SV2C: variants seen among roughly 807,000 people sequenced by gnomAD.
SV2C encodes solute carrier family 22 member B3.
Under a neutral mutation model 79.7 loss-of-function variants are expected in SV2C, and 49 were observed. That is an observed-to-expected ratio of 0.61 (90% CI 0.49 to 0.78). The LOEUF is 0.78. Ranked by LOEUF, SV2C falls within the 30% of genes least tolerant of loss-of-function variation. The probability of loss-of-function intolerance (pLI) is 0.00; values close to 1 mark genes in which losing one functional copy is unlikely to be tolerated. For missense variants in SV2C, 833 were observed against 912.9 expected (o/e 0.91, Z 1.13); for synonymous variants, 334 against 333.2 (o/e 1.00, Z -0.03).
At chr5:75,880,102 C>T in the SV2C span, among the ~76,000 whole-genome samples, 3 of 152,068 alleles carry the variant, frequency 2.0e-5, no homozygotes, top group South Asian at 6.2e-4. Context: ...TGGCCCTGGC[C>T]CATGAAACCA....
the SV2C span, among the ~76,000 whole-genome samples, chr5:75,872,303 A>C: frequency 1.3e-5 from 2 of 151,910 alleles, no homozygotes; most frequent in Admixed American, 6.6e-5. Context: ...TACTGAAAGA[A>C]ATAAAAATTA....
At chr5:76,352,276 A>G (rs1479120778) in intron 12 of SV2C, among the ~76,000 whole-genome samples, 1 of 152,234 alleles carries the variant, frequency 6.6e-6, no homozygotes, top group Middle Eastern at 3.4e-3. Context: ...AAAAAAGTAA[A>G]GATTAATTAT....
At chr5:75,881,939 A>G in the SV2C span, among the ~76,000 whole-genome samples, 2 of 148,046 alleles carry the variant, frequency 1.4e-5, no homozygotes, top group Admixed American at 1.3e-4. Context: ...TGGGTTTGTC[A>G]TAGATAGCTC....
intron 4 of SV2C, among the ~76,000 whole-genome samples, chr5:76,236,561 C>CAAA (rs60992266): frequency 1.3e-4 from 19 of 144,014 alleles, no homozygotes; most frequent in South Asian, 4.2e-4. Context: ...GACCCTGTAT[C>CAAA]AAAAAAATAA....
rs1365944492 is a variant in SV2C, at chr5:76,194,920, C to T, written c.582C>T (p.Gly194=). Residue 194 remains glycine, a splice_region_variant and synonymous_variant, in exon 3 of 13, where the codon GGC becomes GGT. Coordinates refer to ENST00000502798, the MANE Select transcript of SV2C (RefSeq NM_014979.4). ...CIPNSGSGWL[G]SIVYLGMMVG... ...TTCTTTGTTTTCTGTGTGTTGCAGGCAGCATAGTGTACCTCGGGATGATGG... is the reference window on the plus strand; with the variant it reads ...TTCTTTGTTTTCTGTGTGTTGCAGGTAGCATAGTGTACCTCGGGATGATGG... 6.2e-7 allele frequency: 1 copy of T among 1,613,766 alleles called. No homozygotes were observed. The highest frequency in any genetic ancestry group is 1.7e-5 in the Admixed American group (1 of 59,968).
the SV2C span, among the ~76,000 whole-genome samples, chr5:75,862,882 G>A: frequency 1.3e-5 from 2 of 152,216 alleles, no homozygotes; most frequent in Non-Finnish European, 1.5e-5. Context: ...ATTTTGATCA[G>A]AACAATTTCC....
the SV2C span, chr5:75,910,905 A>G: frequency 1.0e-6 from 1 of 974,132 alleles, no homozygotes; most frequent in Non-Finnish European, 1.7e-6. Context: ...CAACATTCCA[A>G]CAAAGTCTTT....
At chr5:75,985,615 T>A in the SV2C span, among the ~76,000 whole-genome samples, 1 of 151,958 alleles carries the variant, frequency 6.6e-6, no homozygotes, top group African/African-American at 2.4e-5. Flanking sequence ...TTGCTCTAGA[T>A]GGAAGTTAGA....
chr5:75,976,232 T>C, the SV2C span, among the ~76,000 whole-genome samples: 12 of 152,210 alleles, frequency 7.9e-5, no homozygotes, highest in Non-Finnish European at 1.5e-4. Flanking sequence ...TTTTCTCTAA[T>C]ATCATTTTTT....
intron 4 of SV2C, among the ~76,000 whole-genome samples, chr5:76,234,501 A>T (rs34783783): frequency 1.3e-5 from 2 of 151,826 alleles, no homozygotes; most frequent in African/African-American, 2.4e-5. Context: ...CAAATGCTTT[A>T]TGTCTTTGGT....
chr5:76,038,894 A>G, the SV2C span, among the ~76,000 whole-genome samples: 5 of 152,368 alleles, frequency 3.3e-5, no homozygotes, highest in South Asian at 2.1e-4. Context: ...TTTACTTTGT[A>G]AATGCTCAGA....
rs543549742 is a variant in SV2C, at chr5:76,178,092, A to AT, written c.581-16826dup. ...AGCACCTATCTGTGACCTCTTCAGC[A>AT]TATCAGTCTCAGGGTAGTCAGATGT... On this transcript the variant is annotated intron_variant, in intron 2 of 12. Transcript: ENST00000502798. Among the ~76,000 whole-genome samples the AT allele has an allele frequency of 3.0e-3, 457 of 152,330 alleles. 4 individuals are homozygous for AT. The highest frequency in any genetic ancestry group is 4.7e-3 in the Non-Finnish European group (319 of 68,034).
chr5:76,048,477 C>T, the SV2C span, among the ~76,000 whole-genome samples: 2 of 152,112 alleles, frequency 1.3e-5, no homozygotes, highest in Non-Finnish European at 2.9e-5. Context: ...CCAGAAACAC[C>T]CTCACAGACA....
chr5:75,864,369 A>G, the SV2C span, among the ~76,000 whole-genome samples: 22 of 151,798 alleles, frequency 1.4e-4, no homozygotes, highest in African/African-American at 5.1e-4. Context: ...TTTAATTAAT[A>G]GTACCTAATA....
chr5:76,320,661 G>T (rs919353617), intron 12 of SV2C, among the ~76,000 whole-genome samples: 1 of 152,016 alleles, frequency 6.6e-6, no homozygotes, highest in African/African-American at 2.4e-5. Context: ...GTGGGGACGG[G>T]GTCATTCTAG....
chr5:76,190,426 G>A (rs928036737), intron 2 of SV2C, among the ~76,000 whole-genome samples: 2 of 152,164 alleles, frequency 1.3e-5, no homozygotes, highest in African/African-American at 4.8e-5. Context: ...AAACATTAGG[G>A]GTAAAGAAGA....
the SV2C span, among the ~76,000 whole-genome samples, chr5:76,039,766 A>G: frequency 2.0e-5 from 3 of 149,086 alleles, no homozygotes; most frequent in Admixed American, 2.0e-4. Context: ...CAAAAAAAAA[A>G]AAAAAAAGAA....
chr5:75,994,115 A>C, the SV2C span, among the ~76,000 whole-genome samples: 1 of 152,124 alleles, frequency 6.6e-6, no homozygotes, highest in Non-Finnish European at 1.5e-5. Flanking sequence ...TTAATGCCTC[A>C]AATAGGACTG....
the SV2C span, among the ~76,000 whole-genome samples, chr5:75,948,633 C>T: frequency 2.6e-5 from 4 of 151,840 alleles, no homozygotes; most frequent in Admixed American, 6.6e-5. Context: ...GATAAGGCGA[C>T]GTTTGTGTAG....
Sources: gnomAD v4.1 joint callset for allele counts (sites outside exome capture counted in the v4.1 genomes callset) on GRCh38, gnomAD v4.1.1 for gene constraint, MANE v1.5 for transcripts, NCBI Gene and HGNC (gene_info 2026-07-23, HGNC 2026-07-21) for gene names.